TBC1D5: variants seen among roughly 807,000 people sequenced by gnomAD.
TBC1D5 encodes TBC1 domain family, member 5.
Under a neutral mutation model 100.3 loss-of-function variants are expected in TBC1D5, and 75 were observed. The observed-to-expected ratio is 0.75, with a 90% CI of 0.62 to 0.91. TBC1D5 has a LOEUF of 0.91. Ranked by LOEUF, TBC1D5 falls within the 40% of genes least tolerant of loss-of-function variation. TBC1D5 has a pLI of 0.00. For synonymous variants in TBC1D5, 323 were observed against 325.6 expected, an observed-to-expected ratio of 0.99 and a Z score of 0.09; for missense variants, 910 against 942.4, an observed-to-expected ratio of 0.97 and a Z score of 0.45.
chr3:17,603,940 C>A lies in TBC1D5; in HGVS notation c.-36+19909G>T, dbSNP rs975952962. On this transcript the variant is annotated intron_variant, in intron 2 of 21. Coordinates refer to ENST00000253692, the Ensembl canonical transcript of TBC1D5. ...GATTACAGGCGTGAGCCACCACGCC[C>A]GGCGCTATTCCTTTACTTTTCTTAA... Among the ~76,000 whole-genome samples the A allele has an allele frequency of 2.0e-5, 3 of 152,182 alleles. No individual in the cohort carries two copies. In the East Asian group the frequency reaches 5.8e-4, roughly 29 times the overall value.
chr3:17,704,861 G>C (rs2073814365), intron 1 of TBC1D5, among the ~76,000 whole-genome samples: 1 of 110,034 alleles, frequency 9.1e-6, no homozygotes, highest in Non-Finnish European at 1.9e-5. Context: ...CAGGGCGGCT[G>C]GCCGGGCGGG....
intron 18 of TBC1D5, among the ~76,000 whole-genome samples, chr3:17,207,838 GT>G (rs1212562506): frequency 1.3e-5 from 2 of 152,116 alleles, no homozygotes; most frequent in African/African-American, 4.8e-5. Context: ...ATTATTTTAG[GT>G]TTTATGTCTC....
At chr3:17,533,074 GACACACACACAC>G (rs9310518) in intron 2 of TBC1D5, among the ~76,000 whole-genome samples, 5 of 144,960 alleles carry the variant, frequency 3.4e-5, no homozygotes, top group South Asian at 4.5e-4. Context: ...CACATACACA[GACACACACACAC>G]ACACACACAC....
rs377082189 is a variant in TBC1D5 at position 17,694,621 on chromosome 3, T to C, written c.-101+44722A>G. 7.2e-5 allele frequency among the ~76,000 whole-genome samples: 11 copies of C among 152,304 alleles called. 1 individual carries two copies. In the South Asian group the frequency reaches 1.9e-3, roughly 26 times the overall value. On this transcript the variant is annotated intron_variant, in intron 1 of 21. Transcript: ENST00000253692. Reference sequence around the variant, plus strand: ...GTGAAAAGACCAAATCTACATTTGATTGGTGTACCTGAAAGTGATGGGGAG... The same window carrying C: ...GTGAAAAGACCAAATCTACATTTGACTGGTGTACCTGAAAGTGATGGGGAG...
intron 4 of TBC1D5, among the ~76,000 whole-genome samples, chr3:17,412,695 A>G (rs570161113): frequency 3.3e-5 from 5 of 152,288 alleles, no homozygotes; most frequent in Non-Finnish European, 5.9e-5. Context: ...TTATGATATA[A>G]TATTTTAGGT....
chr3:17,161,541 G>A (rs1341003864), intron 21 of TBC1D5, among the ~76,000 whole-genome samples: 2 of 152,252 alleles, frequency 1.3e-5, no homozygotes, highest in African/African-American at 2.4e-5. Context: ...GGCAGTGTCT[G>A]TGCTGCCAGG....
chr3:17,503,907 C>A (rs1482847365), intron 3 of TBC1D5, among the ~76,000 whole-genome samples: 3 of 149,374 alleles, frequency 2.0e-5, no homozygotes, highest in African/African-American at 7.6e-5. Flanking sequence ...ACTCTCTGCC[C>A]ATTTGGTTTT....
intron 2 of TBC1D5, among the ~76,000 whole-genome samples, chr3:17,528,645 C>T (rs1470463242): frequency 6.6e-6 from 1 of 152,116 alleles, no homozygotes; most frequent in East Asian, 1.9e-4. Flanking sequence ...TCTACTTGGG[C>T]AGATCTATAG....
intron 2 of TBC1D5, among the ~76,000 whole-genome samples, chr3:17,615,182 A>C (rs1179587861): frequency 6.6e-6 from 1 of 152,156 alleles, no homozygotes; most frequent in African/African-American, 2.4e-5. Context: ...GTGATGAATT[A>C]CTTTTATTGA....
At chr3:17,304,114 G>A (rs1033626083) in intron 14 of TBC1D5, among the ~76,000 whole-genome samples, 1 of 152,036 alleles carries the variant, frequency 6.6e-6, no homozygotes, top group African/African-American at 2.4e-5. Flanking sequence ...CTTTCTTCCT[G>A]CATCAGCACC....
chr3:17,384,516 A>T (rs1367095831), intron 8 of TBC1D5, among the ~76,000 whole-genome samples: 1 of 152,084 alleles, frequency 6.6e-6, no homozygotes, highest in Non-Finnish European at 1.5e-5. Flanking sequence ...TAATGCAGTA[A>T]AACACCACAA....
At chr3:17,337,033 G>GT (rs1388100887) in intron 13 of TBC1D5, among the ~76,000 whole-genome samples, 2 of 150,864 alleles carry the variant, frequency 1.3e-5, no homozygotes, top group African/African-American at 4.9e-5. Context: ...CTATGTATAT[G>GT]TCCCCAGCAT....
intron 1 of TBC1D5, among the ~76,000 whole-genome samples, chr3:17,696,078 T>C (rs1020779779): frequency 5.3e-5 from 8 of 152,252 alleles, no homozygotes; most frequent in African/African-American, 1.7e-4. Flanking sequence ...TGTACCAGAA[T>C]CTCTGGGACA....
intron 3 of TBC1D5, among the ~76,000 whole-genome samples, chr3:17,471,409 T>C (rs1330235953): frequency 1.3e-5 from 2 of 152,046 alleles, no homozygotes; most frequent in Non-Finnish European, 2.9e-5. Context: ...GGATGAGCAA[T>C]AAACTAAAAA....
chr3:17,311,563 G>C (rs17043352), intron 13 of TBC1D5, among the ~76,000 whole-genome samples: 2,850 of 152,160 alleles, frequency 0.019, 85 homozygotes, highest in African/African-American at 0.065. Flanking sequence ...GAAACACCAA[G>C]AGAAATTCAT....
intron 1 of TBC1D5, among the ~76,000 whole-genome samples, chr3:17,736,655 C>G (rs1447041140): frequency 1.3e-5 from 2 of 152,184 alleles, no homozygotes; most frequent in African/African-American, 4.8e-5. Context: ...ACGTTAGGAA[C>G]TCCTCTAGAA....
chr3:17,604,216 T>A (rs2061188593), intron 2 of TBC1D5, among the ~76,000 whole-genome samples: 1 of 152,196 alleles, frequency 6.6e-6, no homozygotes, highest in Non-Finnish European at 1.5e-5. Flanking sequence ...TGCCTCGGCC[T>A]CCCAAAGTTC....
chr3:17,462,207 T>C lies in TBC1D5; in HGVS notation c.98-33688A>G, dbSNP rs532963401. Among the ~76,000 whole-genome samples, 19 of 152,290 alleles carry C rather than the reference T, an allele frequency of 1.2e-4. No individual in the cohort carries two copies. In the East Asian group the frequency reaches 1.9e-3, roughly 15 times the overall value. ...TTTTTGTTTGACTGTTTATTCATTG[T>C]TAAGGTCTGCTCTGTTCTTTCCTAA... On this transcript the variant is annotated intron_variant, in intron 3 of 21. Transcript: ENST00000253692.
At chr3:17,287,566 C>T (rs2081298324) in intron 15 of TBC1D5, among the ~76,000 whole-genome samples, 1 of 152,314 alleles carries the variant, frequency 6.6e-6, no homozygotes, top group Non-Finnish European at 1.5e-5. Context: ...ACTTAACCTC[C>T]TCCCTACTGA....
Sources: allele counts gnomAD v4.1 joint callset (sites outside exome capture counted in the v4.1 genomes callset), GRCh38; gene constraint gnomAD v4.1.1; transcripts MANE v1.5; gene names NCBI Gene and HGNC (gene_info 2026-07-23, HGNC 2026-07-21).